HPSE2: variants seen among roughly 807,000 people sequenced by gnomAD.
HPSE2 encodes the protein inactive heparanase-2.
In HPSE2, 38 loss-of-function variants were observed where a neutral mutation model predicts 60.5. That is an observed-to-expected ratio of 0.63 (90% CI 0.48 to 0.82). The LOEUF is 0.82. Among genes scored for constraint, HPSE2 ranks in the 40% least tolerant of loss-of-function variants. The pLI, the probability that HPSE2 is intolerant of heterozygous loss-of-function variation, is 0.00. For missense variants in HPSE2, 713 were observed against 740.4 expected (o/e 0.96, Z 0.43); for synonymous variants, 295 against 293.2 (o/e 1.01, Z -0.06).
At chr10:98,602,754 T>A (rs549410715) in intron 9 of HPSE2, among the ~76,000 whole-genome samples, 1 of 152,164 alleles carries the variant, frequency 6.6e-6, no homozygotes, top group African/African-American at 2.4e-5. Context: ...TGTATCTACA[T>A]GCAAAAGAAT....
chr10:98,801,114 T>C (rs908443239), intron 3 of HPSE2, among the ~76,000 whole-genome samples: 1 of 152,158 alleles, frequency 6.6e-6, no homozygotes, highest in Admixed American at 6.6e-5. Flanking sequence ...AAAAACCATA[T>C]GATCATTTCA....
At chr10:98,713,319 G>C (rs1948717938) in intron 5 of HPSE2, among the ~76,000 whole-genome samples, 1 of 152,008 alleles carries the variant, frequency 6.6e-6, no homozygotes, top group East Asian at 1.9e-4. Flanking sequence ...ATATGAACTA[G>C]GTTTGTAAAT....
chr10:98,825,136 C>T (rs886133589), intron 3 of HPSE2, among the ~76,000 whole-genome samples: 5 of 152,182 alleles, frequency 3.3e-5, no homozygotes, highest in Admixed American at 6.5e-5. Flanking sequence ...GAGAGGTACA[C>T]ACTTCTTCAG....
chr10:98,724,764 T>C lies in HPSE2; in HGVS notation c.785-2936A>G, dbSNP rs147619288. Among the ~76,000 whole-genome samples the C allele has an allele frequency of 6.6e-5, 10 of 152,298 alleles. No individual in the cohort carries two copies. In the East Asian group the frequency reaches 1.9e-3, roughly 29 times the overall value. On this transcript the variant is annotated intron_variant, in intron 4 of 11. Coordinates refer to ENST00000370552, the MANE Select transcript of HPSE2 (RefSeq NM_021828.5). ...TTGATCTTTGTTGATTTAAAGTCTG[T>C]TTTATCTGAGACTAGGATTGCAAAC...
rs1048285737 is a variant in HPSE2 at position 99,219,722 on chromosome 10, G to A, written c.448+12626C>T. 1.2e-4 allele frequency among the ~76,000 whole-genome samples: 18 copies of A among 152,208 alleles called. No individual in the cohort carries two copies. The East Asian group carries it at 2.5e-3, about 21-fold the overall frequency. On this transcript the variant is annotated intron_variant, in intron 2 of 11. Coordinates refer to ENST00000370552, the MANE Select transcript of HPSE2 (RefSeq NM_021828.5). ...GATGCCAACTTAAAATAAGATTACC[G>A]TACTGTGAAAATCAGAGGAGTTTTT...
At chr10:99,170,983 T>C (rs999277520) in intron 2 of HPSE2, among the ~76,000 whole-genome samples, 2 of 152,258 alleles carry the variant, frequency 1.3e-5, no homozygotes, top group Non-Finnish European at 2.9e-5. Context: ...TTATTTGAAG[T>C]ATACAGGAGG....
chr10:99,286,543 G>A, the HPSE2 span, among the ~76,000 whole-genome samples: 6 of 152,150 alleles, frequency 3.9e-5, no homozygotes, highest in African/African-American at 1.2e-4. Flanking sequence ...GAAAGTGGGC[G>A]ATGAGGGTTA....
At chr10:98,606,742 T>C (rs1325684525) in intron 9 of HPSE2, among the ~76,000 whole-genome samples, 2 of 152,234 alleles carry the variant, frequency 1.3e-5, no homozygotes, top group Non-Finnish European at 2.9e-5. Context: ...TACATTTAAA[T>C]AAGAATTAAA....
chr10:98,970,799 T>C (rs1237688587), intron 3 of HPSE2, among the ~76,000 whole-genome samples: 1 of 152,010 alleles, frequency 6.6e-6, no homozygotes, highest in Non-Finnish European at 1.5e-5. Context: ...ATTTGTAAAA[T>C]GAAAGAAGTT....
intron 3 of HPSE2, among the ~76,000 whole-genome samples, chr10:98,749,357 T>C (rs962251483): frequency 2.6e-5 from 4 of 151,890 alleles, no homozygotes; most frequent in South Asian, 4.1e-4. Context: ...AATATACACA[T>C]ATGCATGCAT....
chr10:99,099,454 C>G (rs536988078), intron 3 of HPSE2, among the ~76,000 whole-genome samples: 1 of 152,184 alleles, frequency 6.6e-6, no homozygotes, highest in Admixed American at 6.5e-5. Flanking sequence ...GAGGGGTGAC[C>G]GCCATTGCTG....
chr10:98,853,171 G>C (rs943634624), intron 3 of HPSE2, among the ~76,000 whole-genome samples: 11 of 152,198 alleles, frequency 7.2e-5, no homozygotes, highest in Non-Finnish European at 1.3e-4. Context: ...ATGGAAGGCT[G>C]AGCCATTCTA....
At chr10:98,990,498 G>A (rs1454325479) in intron 3 of HPSE2, among the ~76,000 whole-genome samples, 5 of 152,146 alleles carry the variant, frequency 3.3e-5, no homozygotes, top group Non-Finnish European at 4.4e-5. Context: ...AGCTTCGCTC[G>A]CTCACCCTGC....
rs1451586523 is a variant in HPSE2, at chr10:98,860,719, CT to C, written c.611-116664del. 5.3e-5 allele frequency among the ~76,000 whole-genome samples: 8 copies of C among 152,274 alleles called. No homozygotes were observed. In the East Asian group the frequency reaches 1.4e-3, roughly 26 times the overall value. On this transcript the variant is annotated intron_variant, in intron 3 of 11. Coordinates refer to ENST00000370552, the MANE Select transcript of HPSE2 (RefSeq NM_021828.5). Reference sequence around the variant, plus strand: ...CACAAGGCTATAACCTCTTTTGCAACTTTTGAAAGCCCTTTCAACTTTTAAG... The same window carrying C: ...CACAAGGCTATAACCTCTTTTGCAACTTTGAAAGCCCTTTCAACTTTTAAG...
chr10:98,729,202 T>C (rs577560595), intron 4 of HPSE2, among the ~76,000 whole-genome samples: 2 of 152,178 alleles, frequency 1.3e-5, no homozygotes, highest in East Asian at 1.9e-4. Flanking sequence ...ATGGATTAAA[T>C]ACTCCAATTA....
chr10:99,103,613 C>T (rs1313435305), intron 3 of HPSE2, among the ~76,000 whole-genome samples: 2 of 152,118 alleles, frequency 1.3e-5, no homozygotes, highest in African/African-American at 2.4e-5. Flanking sequence ...TGACTTTCTT[C>T]GCAGAATTGG....
At chr10:99,040,006 A>G (rs149564356) in intron 3 of HPSE2, among the ~76,000 whole-genome samples, 152 of 152,310 alleles carry the variant, frequency 1.0e-3, no homozygotes, top group Non-Finnish European at 1.3e-3. Context: ...TTGCCTGTAT[A>G]ATATTCACTC....
At chr10:99,031,747 T>C (rs914071652) in intron 3 of HPSE2, among the ~76,000 whole-genome samples, 3 of 152,148 alleles carry the variant, frequency 2.0e-5, no homozygotes, top group Non-Finnish European at 4.4e-5. Flanking sequence ...TACAGTGTAA[T>C]ATTGGAAGAC....
chr10:99,299,877 G>A, the HPSE2 span, among the ~76,000 whole-genome samples: 2 of 152,198 alleles, frequency 1.3e-5, no homozygotes, highest in Admixed American at 1.3e-4. Context: ...AGAAGAGTGA[G>A]CTCTCCTGGG....
Sources: allele counts gnomAD v4.1 joint callset (sites outside exome capture counted in the v4.1 genomes callset), GRCh38; gene constraint gnomAD v4.1.1; transcripts MANE v1.5; gene names NCBI Gene and HGNC (gene_info 2026-07-23, HGNC 2026-07-21).